Variants in ELMOD2 observed in about 807,000 individuals in gnomAD.
ELMOD2 encodes the protein ELMO domain containing 2.
In ELMOD2, 28 loss-of-function variants were observed where a neutral mutation model predicts 41.0. The ratio of observed to expected loss-of-function variants is 0.68; its 90% CI spans 0.51 to 0.94. The LOEUF is 0.94. ELMOD2 is among the 40% of genes least tolerant of loss of function. The pLI, the probability that ELMOD2 is intolerant of heterozygous loss-of-function variation, is 0.00. For synonymous variants in ELMOD2, 106 were observed against 107.2 expected (o/e 0.99, Z 0.07); for missense variants, 333 against 343.1 (o/e 0.97, Z 0.23).
intron 8 of ELMOD2, among the ~76,000 whole-genome samples, chr4:140,549,089 G>A (rs1223574439): frequency 1.3e-5 from 2 of 151,948 alleles, no homozygotes; most frequent in African/African-American, 4.8e-5. Context: ...CAATTTTTTT[G>A]TCACTATAGA....
chr4:140,527,558 A>T (rs1734610729), intron 3 of ELMOD2, 64 bp downstream of exon 3: 1 of 1,407,478 alleles, frequency 7.1e-7, no homozygotes, highest in Non-Finnish European at 9.7e-7. Flanking sequence ...TCTTAAAAAA[A>T]AAAAAGTGCC....
chr4:140,546,027 A>G (rs912220670), intron 8 of ELMOD2, among the ~76,000 whole-genome samples: 3 of 144,958 alleles, frequency 2.1e-5, no homozygotes, highest in Non-Finnish European at 4.6e-5. Flanking sequence ...CTATAAAGAC[A>G]CATGCACACA....
chr4:140,541,327 GT>G (rs918080539), intron 6 of ELMOD2, among the ~76,000 whole-genome samples: 3 of 151,970 alleles, frequency 2.0e-5, no homozygotes, highest in African/African-American at 4.8e-5. Flanking sequence ...AATATTGATG[GT>G]TTTTTTAATT....
chr4:140,526,567 C>T (rs1681898678), intron 2 of ELMOD2: 1 of 152,034 alleles, frequency 6.6e-6, no homozygotes, highest in Admixed American at 6.5e-5. Context: ...GAGAAATCAA[C>T]CCCTGTCAGG....
rs199973427 is a variant in ELMOD2 at position 140,542,559 on chromosome 4, T to C, written c.534-15T>C. 2.7e-5 allele frequency: 42 copies of C among 1,580,162 alleles called. No homozygotes were observed. Among genetic ancestry groups the C allele is most frequent in the Non-Finnish European group, 3.5e-5 (41 of 1,157,104 alleles). On this transcript the variant is annotated splice_polypyrimidine_tract_variant and intron_variant, in intron 6 of 8. Transcript: ENST00000323570. The stretch of plus-strand genomic sequence containing the variant: ...TGGCGTACATTTGTTTGATTATTTT[T>C]CTTAAACTTTTTAGGTATTTCAGTG...
In ELMOD2 at chr4:140,535,808, A is replaced by G; in HGVS notation, c.247A>G (p.Ile83Val). ...AGATGATATTATGAAGGAAAAGAAT[A>G]TTAACCCTGAGAAGGATGCCAGGTG... ...YVDDIMKEKN[I>V]NPEKDASFKI... Residue 83 changes from isoleucine to valine, a missense_variant, in exon 4 of 9, where the codon ATT becomes GTT. Coordinates refer to ENST00000323570, the MANE Select transcript of ELMOD2 (RefSeq NM_153702.4). The G allele has an allele frequency of 6.2e-7, 1 of 1,609,146 alleles. No individual in the cohort carries two copies. The highest frequency in any genetic ancestry group is 1.3e-5 in the African/African-American group (1 of 74,698).
At chr4:140,544,516 A>C (rs1047941997) in intron 8 of ELMOD2, among the ~76,000 whole-genome samples, 1 of 152,048 alleles carries the variant, frequency 6.6e-6, no homozygotes, top group African/African-American at 2.4e-5. Context: ...CCACATTGAA[A>C]GTATAGTTAT....
chr4:140,537,762 AAT>A (rs1359553468), intron 5 of ELMOD2, among the ~76,000 whole-genome samples: 1 of 150,496 alleles, frequency 6.6e-6, no homozygotes, highest in Non-Finnish European at 1.5e-5. Context: ...ATATATAATG[AAT>A]ATATATTTAT....
chr4:140,541,876 T>C (rs754992812), intron 6 of ELMOD2, among the ~76,000 whole-genome samples: 1 of 152,104 alleles, frequency 6.6e-6, no homozygotes, highest in Non-Finnish European at 1.5e-5. Flanking sequence ...AAAATGTCAA[T>C]GATTTTGTCC....
At chr4:140,547,323 G>A (rs1229631553) in intron 8 of ELMOD2, among the ~76,000 whole-genome samples, 5 of 152,076 alleles carry the variant, frequency 3.3e-5, no homozygotes, top group South Asian at 2.1e-4. Flanking sequence ...GGCTGGAAAC[G>A]TTTGTAGTTT....
At chr4:140,525,602 A>G (rs370605685) in intron 2 of ELMOD2, 32 bp downstream of exon 2, 3 of 1,582,882 alleles carry the variant, frequency 1.9e-6, no homozygotes, top group East Asian at 2.3e-5. Flanking sequence ...AAGTACTAAT[A>G]AAAGTTTAAC....
chr4:140,535,453 T>C (rs1387473837), intron 3 of ELMOD2: 6 of 271,322 alleles, frequency 2.2e-5, no homozygotes, highest in Non-Finnish European at 6.8e-6. Flanking sequence ...GTAAACACTA[T>C]GGTGGCAGCT....
At chr4:140,545,007 T>C (rs1315448938) in intron 8 of ELMOD2, among the ~76,000 whole-genome samples, 1 of 152,166 alleles carries the variant, frequency 6.6e-6, no homozygotes, top group East Asian at 1.9e-4. Context: ...GCTTCATTTC[T>C]CTGCTCTCTT....
chr4:140,534,395 G>T (rs552748601), intron 3 of ELMOD2, among the ~76,000 whole-genome samples: 1 of 152,230 alleles, frequency 6.6e-6, no homozygotes, highest in African/African-American at 2.4e-5. Flanking sequence ...CTTGAAGGAA[G>T]AATTGATTGA....
chr4:140,542,363 A>G lies in ELMOD2; in HGVS notation c.534-211A>G, dbSNP rs150220055. 1.4e-3 allele frequency: 506 copies of G among 362,030 alleles called. 1 individual carries two copies. Among genetic ancestry groups the G allele is most frequent in the South Asian group, 7.6e-3 (54 of 7,108 alleles). The allele number at this position is 362,030 out of a possible 1,614,324, so 22.4% of individuals were successfully genotyped here. On this transcript the variant is annotated intron_variant, in intron 6 of 8. Coordinates refer to ENST00000323570, the MANE Select transcript of ELMOD2 (RefSeq NM_153702.4). Reference sequence around the variant, plus strand: ...ATTAAAATACTTTACAGTCTTGTCAATGACCTATATTCTGTACTACATAGG... The same window carrying G: ...ATTAAAATACTTTACAGTCTTGTCAGTGACCTATATTCTGTACTACATAGG...
Position 140,542,566 on chromosome 4 carries a change from C to A in ELMOD2, c.534-8C>A. On this transcript the variant is annotated splice_polypyrimidine_tract_variant and splice_region_variant and intron_variant, in intron 6 of 8. Coordinates refer to ENST00000323570, the MANE Select transcript of ELMOD2 (RefSeq NM_153702.4). ...CATTTGTTTGATTATTTTTCTTAAA[C>A]TTTTTAGGTATTTCAGTGAAAATTA... 1.3e-6 allele frequency: 2 copies of A among 1,591,504 alleles called. No homozygotes were observed. The highest frequency in any genetic ancestry group is 1.7e-6 in the Non-Finnish European group (2 of 1,166,804).
At chr4:140,526,712 G>C (rs574370304) in intron 2 of ELMOD2, 1 of 152,250 alleles carries the variant, frequency 6.6e-6, no homozygotes, top group African/African-American at 2.4e-5. Flanking sequence ...CTTCATGGTT[G>C]ACTTAAATTA....
In ELMOD2 at chr4:140,535,383, A is replaced by C. The variant is rs545526532; in HGVS notation, c.172-350A>C. The C allele has an allele frequency of 4.0e-5, 7 of 176,910 alleles. No homozygotes were observed. In the South Asian group the frequency reaches 9.4e-4, roughly 24 times the overall value. 11.0% of individuals were successfully genotyped at this position (176,910 alleles called of 1,614,324 possible). A position where few individuals can be genotyped will look rare whatever the true frequency, so the allele number is the denominator to read the frequency against. On this transcript the variant is annotated intron_variant, in intron 3 of 8. Coordinates refer to ENST00000323570, the MANE Select transcript of ELMOD2 (RefSeq NM_153702.4). ...ATTTTGAGATTCAACTCTTTTCTGC[A>C]TTTAATTTTTTAAACTTATGCATTC...
chr4:140,550,608 A>G lies in ELMOD2; in HGVS notation c.*233A>G. 3.4e-6 allele frequency: 1 copy of G among 295,582 alleles called. No individual in the cohort carries two copies. Among genetic ancestry groups the G allele is most frequent in the South Asian group, 7.0e-5 (1 of 14,244 alleles). The allele number at this position is 295,582 out of a possible 1,614,324, so 18.3% of individuals were successfully genotyped here. A position where few individuals can be genotyped will look rare whatever the true frequency, so the allele number is the denominator to read the frequency against. On this transcript the variant is annotated 3_prime_UTR_variant, in exon 9 of 9. Transcript: ENST00000323570. ...AAGATCCCCTCTGTAGAGTCATGCG[A>G]ACTACAGTTTGGAACTTGGGACTTA...
Sources: gnomAD v4.1 joint callset for allele counts (sites outside exome capture counted in the v4.1 genomes callset) on GRCh38, gnomAD v4.1.1 for gene constraint, MANE v1.5 for transcripts, NCBI Gene and HGNC (gene_info 2026-07-23, HGNC 2026-07-21) for gene names.